Variants in ADAMTSL1 observed in about 807,000 individuals in gnomAD.
ADAMTSL1 encodes the protein ADAMTS like 1.
Under a neutral mutation model 201.8 loss-of-function variants are expected in ADAMTSL1, and 126 were observed. The ratio of observed to expected loss-of-function variants is 0.62; its 90% CI spans 0.54 to 0.72. ADAMTSL1 has a LOEUF of 0.72. Ranked by LOEUF, ADAMTSL1 falls within the 30% of genes least tolerant of loss-of-function variation. ADAMTSL1 has a pLI of 0.00. For missense variants in ADAMTSL1, 2,679 were observed against 2,277.8 expected (o/e 1.18, Z -3.59); for synonymous variants, 1,121 against 903.4 (o/e 1.24, Z -4.32).
intron 2 of ADAMTSL1, among the ~76,000 whole-genome samples, chr9:18,359,805 T>G (rs1836423151): frequency 7.5e-6 from 1 of 133,898 alleles, no homozygotes. Flanking sequence ...TTCAGCAGGG[T>G]TAATGCCCCA....
chr9:18,203,026 A>G (rs1168098357), intron 2 of ADAMTSL1, among the ~76,000 whole-genome samples: 1 of 152,108 alleles, frequency 6.6e-6, no homozygotes, highest in African/African-American at 2.4e-5. Context: ...GGAACTCCCG[A>G]GGTCCCCAAG....
At chr9:18,810,915 G>T (rs997215188) in intron 20 of ADAMTSL1, among the ~76,000 whole-genome samples, 1 of 146,566 alleles carries the variant, frequency 6.8e-6, no homozygotes, top group African/African-American at 2.5e-5. Flanking sequence ...CAAAGACCTT[G>T]GAAATCAAAC....
chr9:18,730,832 C>T (rs1391526456), intron 15 of ADAMTSL1, among the ~76,000 whole-genome samples: 1 of 152,200 alleles, frequency 6.6e-6, no homozygotes, highest in Non-Finnish European at 1.5e-5. Context: ...TTCTCTGTAA[C>T]TTACTGCTAT....
intron 23 of ADAMTSL1, among the ~76,000 whole-genome samples, chr9:18,883,674 G>T (rs1197092098): frequency 1.3e-5 from 2 of 152,060 alleles, no homozygotes; most frequent in Non-Finnish European, 2.9e-5. Flanking sequence ...TACAATATTT[G>T]TCCTTTTATA....
intron 2 of ADAMTSL1, among the ~76,000 whole-genome samples, chr9:18,268,506 T>C (rs1832227630): frequency 6.6e-6 from 1 of 152,302 alleles, no homozygotes; most frequent in African/African-American, 2.4e-5. Flanking sequence ...GCAGGGGACA[T>C]TGAAAACTAT....
chr9:17,959,003 C>A (rs1828038646), intron 1 of ADAMTSL1, among the ~76,000 whole-genome samples: 1 of 152,042 alleles, frequency 6.6e-6, no homozygotes. Context: ...AAAGTCTTTT[C>A]TAATATTGTC....
chr9:18,680,645 G>A, intron 11 of ADAMTSL1, 129 bp downstream of exon 11: 2 of 978,452 alleles, frequency 2.0e-6, no homozygotes, highest in Non-Finnish European at 1.5e-6. Context: ...TACCAGCTTA[G>A]CTCCTGGAGT....
At chr9:18,801,119 A>G (rs1376140778) in intron 20 of ADAMTSL1, among the ~76,000 whole-genome samples, 1 of 152,236 alleles carries the variant, frequency 6.6e-6, no homozygotes, top group Non-Finnish European at 1.5e-5. Context: ...TGTAATATTT[A>G]TGCTGAAGGC....
chr9:18,582,287 T>C (rs1433134419), intron 4 of ADAMTSL1, among the ~76,000 whole-genome samples: 1 of 152,200 alleles, frequency 6.6e-6, no homozygotes, highest in Non-Finnish European at 1.5e-5. Context: ...ATCTCTTGGC[T>C]CTCACATTTT....
At chr9:17,927,995 C>CT (rs71333019) in intron 1 of ADAMTSL1, among the ~76,000 whole-genome samples, 96 of 149,692 alleles carry the variant, frequency 6.4e-4, no homozygotes, top group African/African-American at 2.2e-3. Context: ...TTCTTTCTTT[C>CT]TTTTTTTTTT....
rs919391059 is a variant in ADAMTSL1, at chr9:18,717,964, C to G, written c.1877-3572C>G. On this transcript the variant is annotated intron_variant, in intron 14 of 28. Transcript: ENST00000380548. The stretch of plus-strand genomic sequence containing the variant: ...AGAGCTGACTCAGAGCTGCAATGCA[C>G]TTAGTACATTAAAGCAGCTGACATG... 3.9e-6 allele frequency: 6 copies of G among 1,538,362 alleles called. No individual in the cohort carries two copies. The South Asian group carries it at 4.5e-5, about 11-fold the overall frequency.
intron 7 of ADAMTSL1, among the ~76,000 whole-genome samples, chr9:18,650,963 A>G (rs1161363923): frequency 1.3e-5 from 2 of 152,234 alleles, no homozygotes; most frequent in African/African-American, 4.8e-5. Context: ...TGTATATAAA[A>G]GTGGATAGAT....
At chr9:18,489,789 C>T (rs559007225) in intron 1 of ADAMTSL1, among the ~76,000 whole-genome samples, 2 of 152,298 alleles carry the variant, frequency 1.3e-5, no homozygotes, top group African/African-American at 4.8e-5. Context: ...CCGACTTACC[C>T]AACTGTATAC....
intron 2 of ADAMTSL1, among the ~76,000 whole-genome samples, chr9:18,514,125 T>C (rs899471875): frequency 6.6e-6 from 1 of 152,176 alleles, no homozygotes; most frequent in African/African-American, 2.4e-5. Flanking sequence ...TCCATGAACA[T>C]GGAAGGTTTT....
Position 18,840,971 on chromosome 9 carries a change from G to T in ADAMTSL1, c.4249+10994G>T, listed in dbSNP as rs545265755. Among the ~76,000 whole-genome samples, 451 of 148,100 alleles carry T rather than the reference G, an allele frequency of 3.0e-3. 1 individual carries two copies. Among genetic ancestry groups the T allele is most frequent in the African/African-American group, 0.011 (426 of 39,988 alleles). ...TGGGGTTTTCTAGATATACAATCAT[G>T]TCATCTGCAAACAGGGACAATTTGA... On this transcript the variant is annotated intron_variant, in intron 23 of 28. Transcript: ENST00000380548.
chr9:18,482,399 C>T (rs1321185219), intron 1 of ADAMTSL1, among the ~76,000 whole-genome samples: 4 of 152,180 alleles, frequency 2.6e-5, no homozygotes, highest in Non-Finnish European at 5.9e-5. Context: ...ATCTTCATTG[C>T]TTTTTCAGAT....
chr9:18,377,318 T>G (rs1837340343), intron 2 of ADAMTSL1, among the ~76,000 whole-genome samples: 1 of 152,248 alleles, frequency 6.6e-6, no homozygotes, highest in Admixed American at 6.5e-5. Flanking sequence ...AGTGTCTGGC[T>G]ATAGTAGGCA....
chr9:18,331,643 G>T (rs1269907387), intron 2 of ADAMTSL1, among the ~76,000 whole-genome samples: 4 of 152,038 alleles, frequency 2.6e-5, no homozygotes, highest in African/African-American at 9.7e-5. Flanking sequence ...GCAATTCTAG[G>T]AAAAACAAAA....
intron 2 of ADAMTSL1, among the ~76,000 whole-genome samples, chr9:18,171,990 G>A (rs1827916444): frequency 6.6e-6 from 1 of 151,894 alleles, no homozygotes; most frequent in Admixed American, 6.6e-5. Context: ...GATGGTTGTA[G>A]ATGTGGAAAC....
Sources: gnomAD v4.1 joint callset for allele counts (sites outside exome capture counted in the v4.1 genomes callset) on GRCh38, gnomAD v4.1.1 for gene constraint, MANE v1.5 for transcripts, NCBI Gene and HGNC (gene_info 2026-07-23, HGNC 2026-07-21) for gene names.